COL22A1: variants seen among roughly 807,000 people sequenced by gnomAD.
COL22A1 encodes the protein collagen type XXII alpha 1 chain, also known as collagen alpha-1(XXII) chain.
In COL22A1, 221 loss-of-function variants were observed where a neutral mutation model predicts 248.9. That is an observed-to-expected ratio of 0.89 (90% CI 0.80 to 0.99). The LOEUF (loss-of-function observed/expected upper bound fraction) is 0.99. Ranked by LOEUF, COL22A1 falls within the 50% of genes least tolerant of loss-of-function variation. The pLI is 0.00. For missense variants in COL22A1, 2,240 were observed against 2,179.0 expected, an observed-to-expected ratio of 1.03 and a Z score of -0.56; for synonymous variants, 891 against 793.4, an observed-to-expected ratio of 1.12 and a Z score of -2.07.
chr8:138,732,227 C>G (rs1466421195), intron 23 of COL22A1, among the ~76,000 whole-genome samples: 1 of 152,178 alleles, frequency 6.6e-6, no homozygotes, highest in African/African-American at 2.4e-5. Context: ...ATTAGAGTTT[C>G]CAGTCTTTCA....
intron 34 of COL22A1, 100 bp from the exon 35 acceptor site, chr8:138,693,799 C>G: frequency 7.7e-7 from 1 of 1,297,504 alleles, no homozygotes; most frequent in Non-Finnish European, 1.1e-6. Context: ...TCATCAGAAG[C>G]ATTATTCCAA....
intron 44 of COL22A1, among the ~76,000 whole-genome samples, chr8:138,657,855 T>C (rs1217646695): frequency 6.6e-6 from 1 of 152,170 alleles, no homozygotes; most frequent in African/African-American, 2.4e-5. Context: ...TGAAAAGAGC[T>C]GGGCCTGGCC....
intron 6 of COL22A1, among the ~76,000 whole-genome samples, chr8:138,822,033 TTTTTGTTTTG>T (rs71316364): frequency 2.0e-5 from 3 of 150,048 alleles, no homozygotes; most frequent in Admixed American, 6.7e-5. Flanking sequence ...TACTTCCGAT[TTTTTGTTTTG>T]TTTTGTTTTG....
At position 138,635,021 on chromosome 8, in the gene COL22A1, G is replaced by C; in HGVS notation, c.3598C>G (p.Pro1200Ala). The C allele has an allele frequency of 6.2e-7, 1 of 1,607,864 alleles. No homozygotes were observed. The highest frequency in any genetic ancestry group is 8.5e-7 in the Non-Finnish European group (1 of 1,175,374). Residue 1200 changes from proline to alanine, a missense_variant, in exon 49 of 65, where the codon CCT becomes GCT. Transcript: ENST00000303045. ...VPGFMGPPGN[P>A]GPPGADGIAG... ...AGATGATTACTTACTGGTGGCCCAGGGTTCCCTGGGGGCCCCATGAAACCT... is the reference window on the plus strand; with the variant it reads ...AGATGATTACTTACTGGTGGCCCAGCGTTCCCTGGGGGCCCCATGAAACCT...
At chr8:138,676,493 C>T in intron 41 of COL22A1, 65 bp downstream of exon 41, 2 of 635,456 alleles carry the variant, frequency 3.1e-6, no homozygotes, top group Non-Finnish European at 4.7e-6. Flanking sequence ...TTTCTGCAGG[C>T]AGGTCCAACA....
At chr8:138,596,647 A>G (rs1228199250) in intron 62 of COL22A1, among the ~76,000 whole-genome samples, 1 of 152,250 alleles carries the variant, frequency 6.6e-6, no homozygotes, top group Non-Finnish European at 1.5e-5. Flanking sequence ...TGATCATAGC[A>G]GAGCTCTTTT....
At chr8:138,677,984 G>A (rs111843463) in intron 40 of COL22A1, among the ~76,000 whole-genome samples, 2,373 of 152,288 alleles carry the variant, frequency 0.016, 63 homozygotes, top group African/African-American at 0.055. Flanking sequence ...GGTAGAACTC[G>A]ATATTGCTAG....
At position 138,866,510 on chromosome 8, in the gene COL22A1, A is replaced by G. The variant is rs1822907328; in HGVS notation, c.658+11240T>C. Reference sequence around the variant, plus strand: ...CTATCTATTTAATTGTCGCCACTCTATATTTCATCTCTTTCTCAACTCAAA... The same window carrying G: ...CTATCTATTTAATTGTCGCCACTCTGTATTTCATCTCTTTCTCAACTCAAA... On this transcript the variant is annotated intron_variant, in intron 3 of 64. Coordinates refer to ENST00000303045, the MANE Select transcript of COL22A1 (RefSeq NM_152888.3). Among the ~76,000 whole-genome samples the G allele has an allele frequency of 3.9e-5, 6 of 152,294 alleles. No individual in the cohort carries two copies. In the Middle Eastern group the frequency reaches 0.02, roughly 518 times the overall value.
chr8:138,679,423 T>C (rs922524753), intron 40 of COL22A1, among the ~76,000 whole-genome samples, 194 bp downstream of exon 40: 1 of 152,186 alleles, frequency 6.6e-6, no homozygotes, highest in Admixed American at 6.5e-5. Flanking sequence ...TATGCTTCCA[T>C]GGTATTTGTT....
intron 4 of COL22A1, among the ~76,000 whole-genome samples, chr8:138,842,854 C>T (rs114892664): frequency 3.3e-5 from 5 of 152,148 alleles, no homozygotes; most frequent in Non-Finnish European, 5.9e-5. Flanking sequence ...TGCCCCACCT[C>T]GAGAATATCA....
intron 16 of COL22A1, among the ~76,000 whole-genome samples, chr8:138,771,481 C>T (rs1834362949): frequency 6.6e-6 from 1 of 152,190 alleles, no homozygotes; most frequent in Admixed American, 6.5e-5. Flanking sequence ...TCTCTACAGC[C>T]CTTTCCAAGT....
chr8:138,886,672 T>TA (rs1478633551), intron 1 of COL22A1, among the ~76,000 whole-genome samples: 1 of 152,192 alleles, frequency 6.6e-6, no homozygotes, highest in African/African-American at 2.4e-5. Context: ...AAAAGAGTAT[T>TA]AAGAGCCTGT....
At chr8:138,752,749 C>G (rs968138667) in intron 21 of COL22A1, among the ~76,000 whole-genome samples, 1 of 152,202 alleles carries the variant, frequency 6.6e-6, no homozygotes, top group Non-Finnish European at 1.5e-5. Context: ...ATATTTTCCT[C>G]TCTCTGGGAT....
In COL22A1 at chr8:138,834,142, C is replaced by A. The variant is rs1483218152; in HGVS notation, c.734-992G>T. On this transcript the variant is annotated intron_variant, in intron 4 of 64. Transcript: ENST00000303045. ...GGAGGCTAACAGTGTGACTCAACAC[C>A]CGCCTGAAACTGTCTCTCTCAGACA... Among the ~76,000 whole-genome samples the A allele has an allele frequency of 3.9e-5, 6 of 152,118 alleles. No homozygotes were observed. The South Asian group carries it at 1.2e-3, about 32-fold the overall frequency.
At chr8:138,731,027 C>T (rs748522897) in intron 23 of COL22A1, among the ~76,000 whole-genome samples, 4 of 152,080 alleles carry the variant, frequency 2.6e-5, no homozygotes, top group African/African-American at 4.8e-5. Flanking sequence ...CTAGGCTGGG[C>T]GCATTGGCTC....
rs1410434556 is a variant in COL22A1 at position 138,720,725 on chromosome 8, G to A, written c.2355+14C>T. The A allele has an allele frequency of 1.9e-6, 3 of 1,610,596 alleles. No homozygotes were observed. Among genetic ancestry groups the A allele is most frequent in the Non-Finnish European group, 2.5e-6 (3 of 1,176,840 alleles). On this transcript the variant is annotated intron_variant, in intron 27 of 64. Coordinates refer to ENST00000303045, the MANE Select transcript of COL22A1 (RefSeq NM_152888.3). ...AATAGCAAGCATAATGGGAAAAAGA[G>A]GCAAAGTCCATACCCGAAGGCCTGG... is the stretch of plus-strand genomic sequence containing the variant.
intron 28 of COL22A1, 93 bp from the exon 29 acceptor site, chr8:138,716,382 A>T: frequency 1.2e-6 from 1 of 828,856 alleles, no homozygotes; most frequent in Non-Finnish European, 1.9e-6. Flanking sequence ...GCTCTCCAGG[A>T]ACTGGAGATG....
intron 30 of COL22A1, among the ~76,000 whole-genome samples, chr8:138,715,084 A>C (rs1209923473): frequency 6.6e-6 from 1 of 152,232 alleles, no homozygotes; most frequent in Non-Finnish European, 1.5e-5. Context: ...TGCATGTCAC[A>C]GGCACAAAAG....
Position 138,694,841 on chromosome 8 carries a change from G to C in COL22A1, c.2631C>G (p.Gly877=). 6.2e-7 allele frequency: 1 copy of C among 1,614,060 alleles called. No homozygotes were observed. The highest frequency in any genetic ancestry group is 8.5e-7 in the Non-Finnish European group (1 of 1,179,972). Residue 877 remains glycine (G), a synonymous_variant, in exon 33 of 65, where the codon GGC becomes GGG. Coordinates refer to ENST00000303045, the MANE Select transcript of COL22A1 (RefSeq NM_152888.3). ...AGAGACTCACCGGTTCCCCAGGCAG[G>C]CCTGGATCGCCCTTCTCTCCTTTGG... ...QGPKGEKGDP[G]LPGEPGLQGR... is the part of the protein sequence containing the mutation.
Sources: gnomAD v4.1 joint callset for allele counts (sites outside exome capture counted in the v4.1 genomes callset) on GRCh38, gnomAD v4.1.1 for gene constraint, MANE v1.5 for transcripts, NCBI Gene and HGNC (gene_info 2026-07-23, HGNC 2026-07-21) for gene names.